Variants in KHDRBS2 observed in about 807,000 individuals in gnomAD.
KHDRBS2 encodes the protein KH RNA binding domain containing, signal transduction associated 2.
Under a neutral mutation model 44.3 loss-of-function variants are expected in KHDRBS2, and 26 were observed. The ratio of observed to expected loss-of-function variants is 0.59; its 90% confidence interval spans 0.43 to 0.81. The LOEUF is 0.81. Ranked by LOEUF, KHDRBS2 falls within the 40% of genes least tolerant of loss-of-function variation. KHDRBS2 has a pLI of 0.00. For synonymous variants in KHDRBS2, 194 were observed against 151.1 expected (o/e 1.28, Z -2.08); for missense variants, 476 against 433.1 (o/e 1.10, Z -0.88).
At chr6:61,556,066 G>T in the KHDRBS2 span, among the ~76,000 whole-genome samples, 1 of 152,168 alleles carries the variant, frequency 6.6e-6, no homozygotes, top group East Asian at 1.9e-4. Flanking sequence ...TGGGCCTAGG[G>T]CTGCCTGCAT....
chr6:61,598,837 C>CTTTTTTTT, the KHDRBS2 span, among the ~76,000 whole-genome samples: 5 of 65,516 alleles, frequency 7.6e-5, no homozygotes, highest in Non-Finnish European at 1.7e-4. Context: ...TTTTTCTTTT[C>CTTTTTTTT]TTTTTTTTTT....
At chr6:61,667,148 T>A in the KHDRBS2 span, among the ~76,000 whole-genome samples, 4 of 150,016 alleles carry the variant, frequency 2.7e-5, no homozygotes, top group Middle Eastern at 3.4e-3. Context: ...TTTTTTTTTT[T>A]AAGATGGAAG....
At chr6:62,016,155 G>T (rs1377060403) in intron 3 of KHDRBS2, among the ~76,000 whole-genome samples, 3 of 151,942 alleles carry the variant, frequency 2.0e-5, no homozygotes, top group Non-Finnish European at 2.9e-5. Flanking sequence ...GTTTCTAGTG[G>T]TTCTATAAGC....
At chr6:61,564,393 T>A in the KHDRBS2 span, among the ~76,000 whole-genome samples, 1 of 152,074 alleles carries the variant, frequency 6.6e-6, no homozygotes, top group Non-Finnish European at 1.5e-5. Flanking sequence ...AAATAATGAT[T>A]TATGTTAGCT....
At chr6:61,724,907 C>T (rs534211094) in intron 7 of KHDRBS2, among the ~76,000 whole-genome samples, 162 of 152,176 alleles carry the variant, frequency 1.1e-3, no homozygotes, top group Middle Eastern at 3.4e-3. Flanking sequence ...ATAATCTAAA[C>T]AGAAAATTAA....
Position 61,752,407 on chromosome 6 carries a change from A to G in KHDRBS2, c.811-19643T>C, listed in dbSNP as rs563216783. 2.6e-5 allele frequency among the ~76,000 whole-genome samples: 4 copies of G among 152,178 alleles called. No homozygotes were observed. In the South Asian group the frequency reaches 8.3e-4, roughly 32 times the overall value. On this transcript the variant is annotated intron_variant, in intron 6 of 8. Transcript: ENST00000281156. The stretch of plus-strand genomic sequence containing the variant: ...ACAGGAATTGACCTAGCTTTATCTG[A>G]CTCTAAATGCTAGTCTCTTTCCATT...
At chr6:61,672,078 G>C in the KHDRBS2 span, among the ~76,000 whole-genome samples, 2 of 142,422 alleles carry the variant, frequency 1.4e-5, no homozygotes, top group Admixed American at 1.4e-4. Flanking sequence ...TCCCACCTAT[G>C]AGTGAGAATA....
At chr6:61,806,929 T>C (rs1157725414) in intron 6 of KHDRBS2, among the ~76,000 whole-genome samples, 2 of 152,176 alleles carry the variant, frequency 1.3e-5, no homozygotes, top group East Asian at 3.9e-4. Flanking sequence ...TTGTACTCAC[T>C]GTCTTTAATT....
intron 7 of KHDRBS2, among the ~76,000 whole-genome samples, chr6:61,730,950 A>G (rs1774341904): frequency 6.6e-6 from 1 of 152,030 alleles, no homozygotes; most frequent in South Asian, 2.1e-4. Context: ...AAATCTCACC[A>G]GAAGAGAGAA....
At position 61,785,066 on chromosome 6, in the gene KHDRBS2, C is replaced by A. The variant is rs182132670; in HGVS notation, c.811-52302G>T. Among the ~76,000 whole-genome samples, 140 of 152,030 alleles carry A rather than the reference C, an allele frequency of 9.2e-4. 1 individual carries two copies. The highest frequency in any genetic ancestry group is 3.2e-3 in the African/African-American group (132 of 41,504). ...CAAGAGGCTGAAATGGGAGGATCACCTGAGCCTGGGAAGATGGAGGCTGCA... is the reference window on the plus strand; with the variant it reads ...CAAGAGGCTGAAATGGGAGGATCACATGAGCCTGGGAAGATGGAGGCTGCA... On this transcript the variant is annotated intron_variant, in intron 6 of 8. Coordinates refer to ENST00000281156, the MANE Select transcript of KHDRBS2 (RefSeq NM_152688.4).
At chr6:62,152,411 C>G (rs1298235650) in intron 2 of KHDRBS2, among the ~76,000 whole-genome samples, 2 of 152,166 alleles carry the variant, frequency 1.3e-5, no homozygotes, top group African/African-American at 4.8e-5. Context: ...AGCACAGTGT[C>G]TAACACTTAA....
intron 4 of KHDRBS2, among the ~76,000 whole-genome samples, chr6:61,903,631 C>T (rs760253767): frequency 2.0e-5 from 3 of 152,112 alleles, no homozygotes; most frequent in Non-Finnish European, 2.9e-5. Context: ...TCCCTGCATC[C>T]ATATCCTTAG....
chr6:61,548,077 C>T, the KHDRBS2 span, among the ~76,000 whole-genome samples: 9 of 151,558 alleles, frequency 5.9e-5, no homozygotes, highest in Non-Finnish European at 1.0e-4. Context: ...TTCAAGGAGA[C>T]AAAAATCTAA....
intron 6 of KHDRBS2, among the ~76,000 whole-genome samples, chr6:61,823,088 A>G (rs1208495643): frequency 6.6e-6 from 1 of 151,918 alleles, no homozygotes; most frequent in Admixed American, 6.6e-5. Context: ...TCTAGCTGAT[A>G]GGTGTTGGTT....
chr6:61,834,641 G>C (rs1792363227), intron 6 of KHDRBS2, among the ~76,000 whole-genome samples: 2 of 152,006 alleles, frequency 1.3e-5, no homozygotes, highest in South Asian at 4.1e-4. Flanking sequence ...TCACAAAATA[G>C]AGACTTGGTT....
chr6:62,214,328 G>A (rs1309615223), intron 1 of KHDRBS2, among the ~76,000 whole-genome samples: 2 of 152,198 alleles, frequency 1.3e-5, no homozygotes, highest in East Asian at 1.9e-4. Flanking sequence ...AACAATGCAG[G>A]TAAGTATGAA....
At position 61,704,652 on chromosome 6, in the gene KHDRBS2, T is replaced by A. The variant is rs533824539; in HGVS notation, c.894-7399A>T. ...GAGCCATTGAAGACAATGAAGGATT[T>A]AAGAGGGAAGCATGATTATATTTTG... On this transcript the variant is annotated intron_variant, in intron 7 of 8. Coordinates refer to ENST00000281156, the MANE Select transcript of KHDRBS2 (RefSeq NM_152688.4). Among the ~76,000 whole-genome samples, 273 of 151,944 alleles carry A rather than the reference T, an allele frequency of 1.8e-3. 3 individuals are homozygous for A. Among genetic ancestry groups the A allele is most frequent in the Admixed American group, 3.0e-3 (45 of 15,224 alleles).
chr6:61,599,466 C>G, the KHDRBS2 span, among the ~76,000 whole-genome samples: 4 of 151,926 alleles, frequency 2.6e-5, no homozygotes, highest in South Asian at 6.3e-4. Context: ...ATGTAGCCCC[C>G]CCAAAAAATT....
At chr6:62,196,510 C>G (rs566202008) in intron 1 of KHDRBS2, among the ~76,000 whole-genome samples, 2 of 152,084 alleles carry the variant, frequency 1.3e-5, no homozygotes, top group Admixed American at 1.3e-4. Context: ...CCCAAACCAC[C>G]AAGCTCCCTG....
Sources: gnomAD v4.1 joint callset for allele counts (sites outside exome capture counted in the v4.1 genomes callset) on GRCh38, gnomAD v4.1.1 for gene constraint, MANE v1.5 for transcripts, NCBI Gene and HGNC (gene_info 2026-07-23, HGNC 2026-07-21) for gene names.